ZBTB8B: variants seen among roughly 807,000 people sequenced by gnomAD.
ZBTB8B encodes zinc finger and BTB domain-containing protein 8B.
ZBTB8B carries 17 observed loss-of-function variants against 30.3 expected under a neutral mutation model. The ratio of observed to expected loss-of-function variants is 0.56; its 90% CI spans 0.38 to 0.84. ZBTB8B has a LOEUF of 0.84. Ranked by LOEUF, ZBTB8B falls within the 40% of genes least tolerant of loss-of-function variation. ZBTB8B has a pLI of 0.00. For missense variants in ZBTB8B, 515 were observed against 644.9 expected (o/e 0.80, Z 2.18); for synonymous variants, 248 against 255.6 (o/e 0.97, Z 0.28).
intron 1 of ZBTB8B, among the ~76,000 whole-genome samples, chr1:32,468,647 C>T (rs559011886): frequency 1.3e-5 from 2 of 152,028 alleles, no homozygotes; most frequent in South Asian, 2.1e-4. Context: ...TAAAGGGAGA[C>T]CAGTCTTGTT....
At chr1:32,466,382 A>G (rs1234393369) in intron 1 of ZBTB8B, among the ~76,000 whole-genome samples, 1 of 152,120 alleles carries the variant, frequency 6.6e-6, no homozygotes, top group Non-Finnish European at 1.5e-5. Context: ...CAGGCATTGT[A>G]TGTAGCCGGT....
intron 1 of ZBTB8B, among the ~76,000 whole-genome samples, chr1:32,466,970 T>C (rs1643575983): frequency 1.3e-5 from 2 of 151,938 alleles, no homozygotes; most frequent in African/African-American, 4.8e-5. Flanking sequence ...CAGGGCAACA[T>C]AGTGAGACCC....
intron 2 of ZBTB8B, among the ~76,000 whole-genome samples, chr1:32,471,899 A>G (rs149005411): frequency 6.6e-6 from 1 of 150,448 alleles, no homozygotes; most frequent in Non-Finnish European, 1.5e-5. Flanking sequence ...CATCATCATC[A>G]CTATCATCAT....
intron 2 of ZBTB8B, among the ~76,000 whole-genome samples, chr1:32,478,331 G>A (rs1643679189): frequency 6.6e-6 from 1 of 151,964 alleles, no homozygotes; most frequent in Non-Finnish European, 1.5e-5. Flanking sequence ...GGCCAACATG[G>A]TGAAATCCTG....
rs894172727 is a variant in ZBTB8B, at chr1:32,494,164, C to T, written c.*8746C>T. On this transcript the variant is annotated 3_prime_UTR_variant, in exon 4 of 4. Transcript: ENST00000609129. ...CACCACTGCACTTCAGCCTGGGCAA[C>T]GAGAGCAAAACTCCATCTCAAAAAA... The T allele has an allele frequency of 8.5e-6, 1 of 117,638 alleles. No homozygotes were observed. The highest frequency in any genetic ancestry group is 1.6e-5 in the Non-Finnish European group (1 of 62,118). 7.3% of individuals were successfully genotyped at this position (117,638 alleles called of 1,614,324 possible).
At chr1:32,473,411 A>G (rs1350701242) in intron 2 of ZBTB8B, among the ~76,000 whole-genome samples, 3 of 152,304 alleles carry the variant, frequency 2.0e-5, no homozygotes, top group African/African-American at 7.2e-5. Flanking sequence ...TGAGTAGTGA[A>G]AGTCTTTTCC....
intron 1 of ZBTB8B, among the ~76,000 whole-genome samples, chr1:32,468,941 G>A (rs1382172485): frequency 6.6e-6 from 1 of 152,034 alleles, no homozygotes; most frequent in African/African-American, 2.4e-5. Context: ...TGTAATCTCA[G>A]GACTTTGAGG....
In ZBTB8B at chr1:32,485,276, C is replaced by G. The variant is rs1457853261; in HGVS notation, c.1346C>G (p.Ser449Cys). 15 of 1,552,148 alleles carry G rather than the reference C, an allele frequency of 9.7e-6. No individual in the cohort carries two copies. The highest frequency in any genetic ancestry group is 2.4e-5 in the East Asian group (1 of 40,926). ...AACCTTAGCTTGGTGGAGGCTTCAT[C>G]TGAAAGCCAAGAAAAGAGCGACACA... ...PINLSLVEASSESQEKSDTDN... is the reference protein window; with the variant it reads ...PINLSLVEASCESQEKSDTDN... The change falls in exon 4 of 4, where the codon TCT becomes TGT. Residue 449 changes from serine to cysteine, a missense_variant. Physicochemically the swap from Ser to Cys is moderately radical, Grantham distance 112. Transcript: ENST00000609129.
Position 32,481,061 on chromosome 1 carries a change from G to T in ZBTB8B, c.1162G>T (p.Ala388Ser). 1 of 1,550,972 alleles carries T rather than the reference G, an allele frequency of 6.4e-7. No individual in the cohort carries two copies. The highest frequency in any genetic ancestry group is 8.7e-7 in the Non-Finnish European group (1 of 1,146,566). The stretch of plus-strand genomic sequence containing the variant: ...TCGACAAGAGCACCTGCGGAGCCAC[G>T]CACTGAGTGTAAGTGTTCGAGCTGG... ...FTRQEHLRSH[A>S]LSVHRSNRPI... The change falls in exon 3 of 4, where the codon GCA (alanine) becomes TCA (serine). Residue 388 changes from alanine (A) to serine (S), a missense_variant. Ala to Ser is a moderately conservative substitution (Grantham distance 99). Transcript: ENST00000609129.
At chr1:32,472,913 G>A (rs1643635429) in intron 2 of ZBTB8B, among the ~76,000 whole-genome samples, 1 of 152,202 alleles carries the variant, frequency 6.6e-6, no homozygotes. Flanking sequence ...CACTGTGCCC[G>A]GCTGACTTGA....
rs1278824695 is a variant in ZBTB8B at position 32,494,708 on chromosome 1, G to A, written c.*9290G>A. ...CTTAATATGTGTTCTGTGTTTGATT[G>A]TAATGTATTCATTTTACTTATAAAA... On this transcript the variant is annotated 3_prime_UTR_variant, in exon 4 of 4. Transcript: ENST00000609129. The A allele has an allele frequency of 2.0e-5, 3 of 152,128 alleles. No homozygotes were observed. Among genetic ancestry groups the A allele is most frequent in the Non-Finnish European group, 2.9e-5 (2 of 68,024 alleles). The allele number at this position is 152,128 out of a possible 1,614,324, so 9.4% of individuals were successfully genotyped here. A position where few individuals can be genotyped will look rare whatever the true frequency, so the allele number is the denominator to read the frequency against.
rs1643809574 is a variant in ZBTB8B at position 32,495,292 on chromosome 1, AG to A, written c.*9877del. 6.6e-6 allele frequency: 1 copy of A among 152,196 alleles called. No homozygotes were observed. Among genetic ancestry groups the A allele is most frequent in the Admixed American group, 6.6e-5 (1 of 15,266 alleles). 9.4% of individuals were successfully genotyped at this position (152,196 alleles called of 1,614,324 possible). A position where few individuals can be genotyped will look rare whatever the true frequency, so the allele number is the denominator to read the frequency against. On this transcript the variant is annotated 3_prime_UTR_variant, in exon 4 of 4. Coordinates refer to ENST00000609129, the MANE Select transcript of ZBTB8B (RefSeq NM_001145720.2). Reference sequence around the variant, plus strand: ...TACTGCAAAAGCTAGTTTTATTTAAAGGGCTGCAATTATATATAAGAATTAT... The same window carrying A: ...TACTGCAAAAGCTAGTTTTATTTAAAGGCTGCAATTATATATAAGAATTAT...
chr1:32,472,761 C>T (rs1557681461), intron 2 of ZBTB8B, among the ~76,000 whole-genome samples: 1 of 152,104 alleles, frequency 6.6e-6, no homozygotes, highest in African/African-American at 2.4e-5. Context: ...TTACCGTAGG[C>T]GCATACCGCC....
In ZBTB8B at chr1:32,471,053, G is replaced by C; in HGVS notation, c.429G>C (p.Ala143=). ...CTGCAGCAGTGGCGGCGGCAGCGGC[G>C]GCGGCTGCAGCGGCGGCAGCAGCGG... The part of the protein sequence containing the change: ...AVAAAVAAAA[A]AAAAAAAAAA... The change falls in exon 2 of 4, where the codon GCG becomes GCC. Residue 143 remains alanine, a synonymous_variant. Coordinates refer to ENST00000609129, the MANE Select transcript of ZBTB8B (RefSeq NM_001145720.2). 1 of 1,544,710 alleles carries C rather than the reference G, an allele frequency of 6.5e-7. No individual in the cohort carries two copies. The highest frequency in any genetic ancestry group is 8.7e-7 in the Non-Finnish European group (1 of 1,145,508).
At chr1:32,473,605 C>T (rs919051130) in intron 2 of ZBTB8B, among the ~76,000 whole-genome samples, 2 of 150,720 alleles carry the variant, frequency 1.3e-5, no homozygotes, top group African/African-American at 2.4e-5. Context: ...CTCGACCTCC[C>T]GAGCTCAAGT....
At chr1:32,470,409 AG>A (rs1284957432) in intron 1 of ZBTB8B, among the ~76,000 whole-genome samples, 174 bp from the exon 2 acceptor site, 1 of 139,224 alleles carries the variant, frequency 7.2e-6, no homozygotes, top group African/African-American at 2.7e-5. Context: ...CTGAGGCAGG[AG>A]GATGGCGTGA....
chr1:32,492,553 C>G lies in ZBTB8B; in HGVS notation c.*7135C>G, dbSNP rs1324165120. The G allele has an allele frequency of 6.6e-6, 1 of 152,244 alleles. No homozygotes were observed. The highest frequency in any genetic ancestry group is 1.5e-5 in the Non-Finnish European group (1 of 68,192). The allele number at this position is 152,244 out of a possible 1,614,324, so 9.4% of individuals were successfully genotyped here. On this transcript the variant is annotated 3_prime_UTR_variant, in exon 4 of 4. Transcript: ENST00000609129. Reference sequence around the variant, plus strand: ...GACCTCAGGCAATCCGCCTCTGCCTCCCAAAGTGCTGGGATTACAGGCGTG... The same window carrying G: ...GACCTCAGGCAATCCGCCTCTGCCTGCCAAAGTGCTGGGATTACAGGCGTG...
In ZBTB8B at chr1:32,486,626, G is replaced by A. The variant is rs1643746527; in HGVS notation, c.*1208G>A. The A allele has an allele frequency of 6.6e-6, 1 of 152,174 alleles. No homozygotes were observed. The highest frequency in any genetic ancestry group is 2.4e-5 in the African/African-American group (1 of 41,440). The allele number at this position is 152,174 out of a possible 1,614,324, so 9.4% of individuals were successfully genotyped here. ...TAAGGGGCAGTGACTTCCAGGTGTT[G>A]CCATGGCAATGGTAATTGACATGGC... On this transcript the variant is annotated 3_prime_UTR_variant, in exon 4 of 4. Transcript: ENST00000609129.
chr1:32,496,444 T>C lies in ZBTB8B; in HGVS notation c.*11026T>C, dbSNP rs1209697542. The C allele has an allele frequency of 6.6e-6, 1 of 152,166 alleles. No homozygotes were observed. The highest frequency in any genetic ancestry group is 1.5e-5 in the Non-Finnish European group (1 of 68,032). 9.4% of individuals were successfully genotyped at this position (152,166 alleles called of 1,614,324 possible). Reference sequence around the variant, plus strand: ...TTACAAAGGCACTTGTCAAAACATATTTATTAAAAAGAGGAGCCAGAGTTG... The same window carrying C: ...TTACAAAGGCACTTGTCAAAACATACTTATTAAAAAGAGGAGCCAGAGTTG... On this transcript the variant is annotated 3_prime_UTR_variant, in exon 4 of 4. Coordinates refer to ENST00000609129, the MANE Select transcript of ZBTB8B (RefSeq NM_001145720.2).
Sources: gnomAD v4.1 joint callset for allele counts (sites outside exome capture counted in the v4.1 genomes callset) on GRCh38, gnomAD v4.1.1 for gene constraint, MANE v1.5 for transcripts, NCBI Gene and HGNC (gene_info 2026-07-23, HGNC 2026-07-21) for gene names.